PLA2G5: variants seen among roughly 807,000 people sequenced by gnomAD.
PLA2G5 encodes the protein Ca2+-dependent phospholipase A2.
In PLA2G5, 12 loss-of-function variants were observed where a neutral mutation model predicts 15.9. The ratio of observed to expected loss-of-function variants is 0.76; its 90% CI spans 0.48 to 1.23. The LOEUF (loss-of-function observed/expected upper bound fraction) is 1.23, where lower values mean the gene tolerates loss of function less well. Ranked by LOEUF, PLA2G5 falls within the 50% of genes most tolerant of loss-of-function variation. The pLI is 0.00. For missense variants in PLA2G5, 169 were observed against 177.1 expected, an observed-to-expected ratio of 0.95 and a Z score of 0.26; for synonymous variants, 71 against 71.4, an observed-to-expected ratio of 0.99 and a Z score of 0.03.
At chr1:20,030,732 C>T (rs1238777658) in intron 1 of PLA2G5, among the ~76,000 whole-genome samples, 4 of 152,148 alleles carry the variant, frequency 2.6e-5, no homozygotes, top group Non-Finnish European at 5.9e-5. Flanking sequence ...CTGCAGTGCA[C>T]TGTGTCCCTG....
intron 1 of PLA2G5, among the ~76,000 whole-genome samples, chr1:20,074,706 C>T (rs1255586251): frequency 6.6e-6 from 1 of 152,230 alleles, no homozygotes; most frequent in African/African-American, 2.4e-5. Context: ...ACAGCTCATT[C>T]AATTCCCAGG....
In PLA2G5 at chr1:20,084,128, C is replaced by T. The variant is rs930505297; in HGVS notation, c.-10-693C>T. The stretch of plus-strand genomic sequence containing the variant: ...AGAAAGATGCCTACAAAGGCAAAAG[C>T]GCTTGGGGCCCATAAGAGCCATAAT... On this transcript the variant is annotated intron_variant, in intron 1 of 4. Transcript: ENST00000375108. Among the ~76,000 whole-genome samples, 8 of 149,564 alleles carry T rather than the reference C, an allele frequency of 5.3e-5. 1 individual carries two copies. Among genetic ancestry groups the T allele is most frequent in the Non-Finnish European group, 8.8e-5 (6 of 67,986 alleles).
chr1:20,030,349 A>G (rs1338847564), intron 1 of PLA2G5, among the ~76,000 whole-genome samples: 1 of 152,074 alleles, frequency 6.6e-6, no homozygotes, highest in Non-Finnish European at 1.5e-5. Context: ...CCTTGATGTG[A>G]GAGTAGGCCA....
At chr1:20,067,221 C>T (rs1483550193), upstream of PLA2G5, among the ~76,000 whole-genome samples, 1 of 152,108 alleles carries the variant, frequency 6.6e-6, no homozygotes, top group Non-Finnish European at 1.5e-5. Flanking sequence ...TCTCCGAGTC[C>T]TGGGCTCAAG....
chr1:20,057,735 G>A (rs186912705), intron 1 of PLA2G5, among the ~76,000 whole-genome samples: 3 of 152,290 alleles, frequency 2.0e-5, no homozygotes, highest in East Asian at 1.9e-4. Context: ...CTGACCTCAG[G>A]TGATTCACCT....
chr1:20,067,284 G>A (rs1230296411), upstream of PLA2G5, among the ~76,000 whole-genome samples: 3 of 152,102 alleles, frequency 2.0e-5, no homozygotes, highest in African/African-American at 4.8e-5. Flanking sequence ...ACAGGTGTGA[G>A]CCATCTCATC....
At chr1:20,078,048 C>T (rs11573228) in intron 1 of PLA2G5, among the ~76,000 whole-genome samples, 8 of 152,066 alleles carry the variant, frequency 5.3e-5, no homozygotes, top group Admixed American at 2.0e-4. Context: ...TTTGGGGGGC[C>T]AGCAGAGATG....
chr1:20,030,492 G>A (rs751234605), intron 1 of PLA2G5, among the ~76,000 whole-genome samples: 1 of 152,004 alleles, frequency 6.6e-6, no homozygotes, highest in Non-Finnish European at 1.5e-5. Context: ...GTTTTACACC[G>A]AGACATTCCA....
intron 1 of PLA2G5, among the ~76,000 whole-genome samples, chr1:20,035,647 C>T (rs74767860): frequency 0.014 from 2,080 of 152,264 alleles, 45 homozygotes; most frequent in African/African-American, 0.047. Context: ...ACAGCAGATA[C>T]TTGATTGGTG....
chr1:20,052,948 C>T lies in PLA2G5; in HGVS notation n.277-6684C>T, dbSNP rs186394921. Among the ~76,000 whole-genome samples the T allele has an allele frequency of 7.9e-5, 12 of 152,304 alleles. No homozygotes were observed. In the East Asian group the frequency reaches 1.7e-3, roughly 22 times the overall value. Reference sequence around the variant, plus strand: ...ACCTATGACCTGGAAGCCCCCTCCCCACTTCAAATTGTCCTGCCTTTTCTT... The same window carrying T: ...ACCTATGACCTGGAAGCCCCCTCCCTACTTCAAATTGTCCTGCCTTTTCTT... On this transcript the variant is annotated intron_variant and non_coding_transcript_variant, in intron 1 of 6. Transcript: ENST00000460175.
At chr1:20,066,507 G>A (rs2015038080), upstream of PLA2G5, among the ~76,000 whole-genome samples, 1 of 152,176 alleles carries the variant, frequency 6.6e-6, no homozygotes, top group East Asian at 1.9e-4. Context: ...TGAAGAAATT[G>A]GCAGACTCTA....
intron 1 of PLA2G5, among the ~76,000 whole-genome samples, chr1:20,077,232 C>T (rs1188187029): frequency 1.3e-5 from 2 of 152,160 alleles, no homozygotes; most frequent in Non-Finnish European, 2.9e-5. Context: ...TCTTTAATCA[C>T]CGAAGTGTGA....
chr1:20,053,226 C>T (rs1432548244), intron 1 of PLA2G5, among the ~76,000 whole-genome samples: 2 of 152,176 alleles, frequency 1.3e-5, no homozygotes, highest in African/African-American at 4.8e-5. Context: ...CAATTTATAA[C>T]TCTTTTATCT....
At chr1:20,065,732 T>C (rs1178638353), upstream of PLA2G5, among the ~76,000 whole-genome samples, 3 of 152,376 alleles carry the variant, frequency 2.0e-5, no homozygotes, top group East Asian at 5.8e-4. Context: ...ATAAGGCTGC[T>C]GTAAACATTT....
chr1:20,029,312 T>G (rs544286316), intron 1 of PLA2G5, among the ~76,000 whole-genome samples: 110 of 151,464 alleles, frequency 7.3e-4, no homozygotes, highest in African/African-American at 2.6e-3. Context: ...GGTGCATTCC[T>G]CTCAACGTCC....
intron 2 of PLA2G5, among the ~76,000 whole-genome samples, chr1:20,061,586 C>CAAAAAA (rs35346493): frequency 1.5e-5 from 1 of 67,754 alleles, no homozygotes; most frequent in Non-Finnish European, 2.8e-5. Flanking sequence ...ACCCTGTCTC[C>CAAAAAA]AAAAAAAAAA....
intron 4 of PLA2G5, 91 bp downstream of exon 4, chr1:20,089,986 G>A: frequency 2.3e-6 from 2 of 878,670 alleles, no homozygotes; most frequent in South Asian, 1.7e-5. Flanking sequence ...TATCTTGTTG[G>A]GGGAGGAGGA....
intron 1 of PLA2G5, among the ~76,000 whole-genome samples, chr1:20,054,150 A>C (rs1398348954): frequency 1.3e-5 from 2 of 152,186 alleles, no homozygotes; most frequent in African/African-American, 4.8e-5. Context: ...CATGACAGTT[A>C]CCTTCTTCAA....
chr1:20,051,077 GTTAA>G (rs1569686370), intron 1 of PLA2G5, among the ~76,000 whole-genome samples: 2 of 152,202 alleles, frequency 1.3e-5, no homozygotes, highest in East Asian at 3.9e-4. Context: ...ATTATGTTAT[GTTAA>G]TTAGTTATGA....
Sources: allele counts gnomAD v4.1 joint callset (sites outside exome capture counted in the v4.1 genomes callset), GRCh38; gene constraint gnomAD v4.1.1; transcripts MANE v1.5; gene names NCBI Gene and HGNC (gene_info 2026-07-23, HGNC 2026-07-21).